The following CLEC16A variants were observed in gnomAD, a reference collection of about 807,000 sequenced individuals.
The protein encoded by CLEC16A is C-type lectin domain containing 16A.
In CLEC16A, 51 loss-of-function variants were observed where a neutral mutation model predicts 109.5. The ratio of observed to expected loss-of-function variants is 0.47; its 90% CI spans 0.37 to 0.59. CLEC16A has a LOEUF of 0.59. Ranked by LOEUF, CLEC16A falls within the 20% of genes least tolerant of loss-of-function variation. The pLI, the probability that CLEC16A is intolerant of heterozygous loss-of-function variation, is 0.00. For synonymous variants in CLEC16A, 673 were observed against 564.2 expected, an observed-to-expected ratio of 1.19 and a Z score of -2.73; for missense variants, 1,339 against 1,394.0, an observed-to-expected ratio of 0.96 and a Z score of 0.63.
At chr16:11,166,576 T>TA in intron 23 of CLEC16A, 24 bp downstream of exon 23, 1 of 1,550,624 alleles carries the variant, frequency 6.4e-7, no homozygotes, top group South Asian at 1.2e-5. Context: ...GACTCAGTGA[T>TA]ATGGGGACAT....
At chr16:10,955,109 G>A (rs1192997045) in intron 1 of CLEC16A, among the ~76,000 whole-genome samples, 2 of 152,236 alleles carry the variant, frequency 1.3e-5, no homozygotes, top group African/African-American at 4.8e-5. Context: ...CAAGGCCACA[G>A]TTAGGAGGTG....
At chr16:11,085,256 G>A (rs115203515) in intron 19 of CLEC16A, among the ~76,000 whole-genome samples, 185 of 152,376 alleles carry the variant, frequency 1.2e-3, no homozygotes, top group African/African-American at 4.1e-3. Context: ...AGAAGAATGT[G>A]ACAGGCCCAT....
At chr16:10,994,057 C>T (rs749656184) in intron 10 of CLEC16A, among the ~76,000 whole-genome samples, 3 of 152,218 alleles carry the variant, frequency 2.0e-5, no homozygotes, top group Non-Finnish European at 4.4e-5. Context: ...CTGCAAGAGG[C>T]CTGTGAGTGC....
At chr16:10,950,555 A>G (rs1302286452) in intron 1 of CLEC16A, among the ~76,000 whole-genome samples, 1 of 152,050 alleles carries the variant, frequency 6.6e-6, no homozygotes, top group Non-Finnish European at 1.5e-5. Context: ...TCTTTGGGGG[A>G]TGATTCACCA....
chr16:11,073,278 G>A lies in CLEC16A; in HGVS notation c.2116+12256G>A, dbSNP rs369000607. Among the ~76,000 whole-genome samples the A allele has an allele frequency of 7.9e-5, 12 of 152,228 alleles. No homozygotes were observed. In the South Asian group the frequency reaches 1.0e-3, roughly 13 times the overall value. ...TCAGTCCTCATGGGGTCGCTCCACA[G>A]GTAGACATTTAATGGAGCAGCTGCT... is the stretch of plus-strand genomic sequence containing the variant. On this transcript the variant is annotated intron_variant, in intron 19 of 23. Transcript: ENST00000409790.
In CLEC16A at chr16:11,065,958, G is replaced by T. The variant is rs900087132; in HGVS notation, c.2116+4936G>T. Among the ~76,000 whole-genome samples the T allele has an allele frequency of 2.6e-5, 4 of 152,234 alleles. No homozygotes were observed. In the East Asian group the frequency reaches 7.7e-4, roughly 29 times the overall value. On this transcript the variant is annotated intron_variant, in intron 19 of 23. Transcript: ENST00000409790. Reference sequence around the variant, plus strand: ...TCTGTCCCAAACGGACACTTCTAGAGCTGGCACTGCCTGGTCAGACGGTCC... The same window carrying T: ...TCTGTCCCAAACGGACACTTCTAGATCTGGCACTGCCTGGTCAGACGGTCC...
chr16:11,134,182 A>AT (rs34036131), intron 22 of CLEC16A, among the ~76,000 whole-genome samples: 7,676 of 123,974 alleles, frequency 0.062, 312 homozygotes, highest in African/African-American at 0.11. Flanking sequence ...CCCTTTTCTG[A>AT]TTTTTTTTTT....
chr16:11,074,166 T>G (rs1234382578), intron 19 of CLEC16A, among the ~76,000 whole-genome samples: 1 of 152,234 alleles, frequency 6.6e-6, no homozygotes, highest in African/African-American at 2.4e-5. Context: ...TTTTTTCTTT[T>G]TTCTTTTTCC....
rs772244955 is a variant in CLEC16A at position 11,166,455 on chromosome 16, C to T, written c.2709C>T (p.Ser903=). ...CCCTGTCCTCACAGTCGCCACCCTC[C>T]GCCAGCGGGAGCCCCAGCGGCAGCG... ...SPSLSSQSPP[S]ASGSPSGSGS... The change falls in exon 23 of 24, where the codon TCC becomes TCT. Residue 903 remains serine (S), a synonymous_variant. Transcript: ENST00000409790. 11 of 1,607,782 alleles carry T rather than the reference C, an allele frequency of 6.8e-6. No individual in the cohort carries two copies. Among genetic ancestry groups the T allele is most frequent in the Admixed American group, 6.7e-5 (4 of 59,958 alleles).
rs1028693029 is a variant in CLEC16A, at chr16:11,180,020, C to T, written c.*1330C>T. ...AAGTCCACCAGGGCCAGCGGCCCCT[C>T]ACCTCTCTGGTCACTGGTGAGACCT... On this transcript the variant is annotated 3_prime_UTR_variant, in exon 24 of 24. Coordinates refer to ENST00000409790, the MANE Select transcript of CLEC16A (RefSeq NM_015226.3). 6 of 152,596 alleles carry T rather than the reference C, an allele frequency of 3.9e-5. No homozygotes were observed. The highest frequency in any genetic ancestry group is 1.5e-5 in the Non-Finnish European group (1 of 68,300). 9.5% of individuals were successfully genotyped at this position (152,596 alleles called of 1,614,324 possible). A position where few individuals can be genotyped will look rare whatever the true frequency, so the allele number is the denominator to read the frequency against.
chr16:11,103,061 T>G (rs561995756), intron 19 of CLEC16A, among the ~76,000 whole-genome samples: 1 of 152,258 alleles, frequency 6.6e-6, no homozygotes, highest in South Asian at 2.1e-4. Context: ...AGGGAGGGCC[T>G]GAGAGATGGG....
chr16:10,962,429 C>A, intron 2 of CLEC16A, 26 bp from the exon 3 acceptor site: 1 of 1,613,828 alleles, frequency 6.2e-7, no homozygotes, highest in Non-Finnish European at 8.5e-7. Flanking sequence ...AAGCAAGCCA[C>A]TGATGCTTTT....
chr16:11,142,375 G>A (rs2053876554), intron 22 of CLEC16A, among the ~76,000 whole-genome samples: 1 of 152,232 alleles, frequency 6.6e-6, no homozygotes, highest in Non-Finnish European at 1.5e-5. Flanking sequence ...GGGCACGCCT[G>A]TCAGAGCGCT....
chr16:11,021,122 A>C (rs890570261), intron 12 of CLEC16A, among the ~76,000 whole-genome samples: 5 of 152,186 alleles, frequency 3.3e-5, no homozygotes, highest in Non-Finnish European at 5.9e-5. Flanking sequence ...GGTGGTGGAA[A>C]TACACACGGC....
At chr16:11,127,436 G>A (rs576660552) in intron 22 of CLEC16A, among the ~76,000 whole-genome samples, 25 of 152,320 alleles carry the variant, frequency 1.6e-4, no homozygotes, top group African/African-American at 6.0e-4. Flanking sequence ...TCTCATGTCT[G>A]TGTGATAAAT....
At chr16:11,156,735 G>A in intron 22 of CLEC16A, 2 of 1,179,726 alleles carry the variant, frequency 1.7e-6, no homozygotes, top group Non-Finnish European at 2.3e-6. Context: ...CTGGGTCCTT[G>A]GGAATCAAGC....
intron 23 of CLEC16A, among the ~76,000 whole-genome samples, chr16:11,171,920 G>GTACACA: frequency 7.0e-6 from 1 of 143,752 alleles, no homozygotes; most frequent in East Asian, 2.1e-4. Flanking sequence ...ACACACACCA[G>GTACACA]TACACATACA....
At chr16:11,136,288 A>T (rs2053556813) in intron 22 of CLEC16A, 1 of 152,248 alleles carries the variant, frequency 6.6e-6, no homozygotes, top group Non-Finnish European at 1.5e-5. Context: ...TACTCTTACT[A>T]ATGGCTCAGA....
At chr16:11,037,874 C>T (rs1597150789) in intron 13 of CLEC16A, among the ~76,000 whole-genome samples, 1 of 144,734 alleles carries the variant, frequency 6.9e-6, no homozygotes, top group Non-Finnish European at 1.5e-5. Context: ...GTGTTAACAT[C>T]TCTGGAAAAA....
Sources: allele counts gnomAD v4.1 joint callset (sites outside exome capture counted in the v4.1 genomes callset), GRCh38; gene constraint gnomAD v4.1.1; transcripts MANE v1.5; gene names NCBI Gene and HGNC (gene_info 2026-07-23, HGNC 2026-07-21).